The following CCDC39 variants were observed in gnomAD, a reference collection of about 807,000 sequenced individuals.
CCDC39 encodes coiled-coil domain 39 molecular ruler complex subunit, also known as coiled-coil domain-containing protein 39.
CCDC39 carries 113 observed loss-of-function variants against 121.0 expected under a neutral mutation model. That is an observed-to-expected ratio of 0.93 (90% confidence interval 0.80 to 1.09). The LOEUF (loss-of-function observed/expected upper bound fraction) is 1.09. Among genes scored for constraint, CCDC39 ranks in the 50% least tolerant of loss-of-function variants. The pLI is 0.00. For missense variants in CCDC39, 1,063 were observed against 1,074.7 expected, an observed-to-expected ratio of 0.99 and a Z score of 0.15; for synonymous variants, 349 against 352.2, an observed-to-expected ratio of 0.99 and a Z score of 0.10.
rs772481057 is a variant in CCDC39, at chr3:180,619,323, CT to C, written c.2200del (p.Arg734GlufsTer28). On this transcript the variant is annotated frameshift_variant, in exon 16 of 20. Coordinates refer to ENST00000476379, the MANE Select transcript of CCDC39 (RefSeq NM_181426.2). LOFTEE classifies it high-confidence loss of function. The stretch of plus-strand genomic sequence containing the variant: ...GTATCTGTATTTTTCATCAACAGCT[CT>C]TTTTTGTTCTTCTAGTTGAATTTTT... Reference protein sequence around the residue: ...ELKIQLEEQKRAVDEKYRYKQ... With the variant: ...ELKIQLEEQKXAVDEKYRYKQ... 6.5e-7 allele frequency: 1 copy of C among 1,544,342 alleles called. No individual in the cohort carries two copies. The highest frequency in any genetic ancestry group is 8.8e-7 in the Non-Finnish European group (1 of 1,141,392).
intron 14 of CCDC39, among the ~76,000 whole-genome samples, chr3:180,624,113 C>T (rs558197435): frequency 1.3e-5 from 2 of 152,190 alleles, no homozygotes; most frequent in East Asian, 3.9e-4. Flanking sequence ...CAGTGTTGTG[C>T]ATATATAATT....
chr3:180,667,521 G>C (rs1423336934), intron 1 of CCDC39, among the ~76,000 whole-genome samples: 1 of 152,042 alleles, frequency 6.6e-6, no homozygotes, highest in Non-Finnish European at 1.5e-5. Context: ...GGTTATCAGT[G>C]ATCAGTGAGC....
chr3:180,618,267 T>G (rs1009480555), intron 16 of CCDC39, among the ~76,000 whole-genome samples: 1 of 152,186 alleles, frequency 6.6e-6, no homozygotes, highest in Non-Finnish European at 1.5e-5. Flanking sequence ...AAATTTTTTA[T>G]GTAATTCAAC....
chr3:180,674,706 T>C (rs1469372346), intron 1 of CCDC39, among the ~76,000 whole-genome samples: 2 of 152,326 alleles, frequency 1.3e-5, no homozygotes, highest in African/African-American at 4.8e-5. Context: ...TGAATTTTGT[T>C]GAAGGCCTTT....
chr3:180,619,937 C>CTG lies in CCDC39; in HGVS notation c.2031_2032insCA (p.Gly678GlnfsTer19). 6.2e-7 allele frequency: 1 copy of CTG among 1,608,574 alleles called. No individual in the cohort carries two copies. The highest frequency in any genetic ancestry group is 2.2e-5 in the East Asian group (1 of 44,744). Reference sequence around the variant, plus strand: ...TTGATCTTGGCATCCAAACAGTCACCTTCCCTTTGAAGTTCTTCTTTTTCT... The same window carrying CTG: ...TTGATCTTGGCATCCAAACAGTCACCTGTTCCCTTTGAAGTTCTTCTTTTTCT... On this transcript the variant is annotated frameshift_variant, in exon 15 of 20. Transcript: ENST00000476379. LOFTEE classifies it high-confidence loss of function.
In CCDC39 at chr3:180,616,286, T is replaced by C. The variant is rs1307619593; in HGVS notation, c.2664A>G (p.Ser888=). 2 of 1,613,094 alleles carry C rather than the reference T, an allele frequency of 1.2e-6. No homozygotes were observed. Among genetic ancestry groups the C allele is most frequent in the African/African-American group, 2.7e-5 (2 of 74,882 alleles). The change falls in exon 19 of 20, where the codon TCA becomes TCG. Residue 888 remains serine (S), a synonymous_variant. Coordinates refer to ENST00000476379, the MANE Select transcript of CCDC39 (RefSeq NM_181426.2). ...TTTTTTAACCCTCCGCTTACCTTGC[T>C]GATAGTGAAGTATGTGAAGGAGATC... ...SSRSPSHTSL[S]ARSSRSTSTS... is the part of the protein sequence containing the mutation.
At chr3:180,661,400 G>A (rs1359060581) in intron 3 of CCDC39, among the ~76,000 whole-genome samples, 3 of 151,882 alleles carry the variant, frequency 2.0e-5, no homozygotes, top group Admixed American at 2.0e-4. Flanking sequence ...ATCAGAATTT[G>A]GAAAGAGCTC....
At chr3:180,624,680 T>C (rs1044637153) in intron 14 of CCDC39, among the ~76,000 whole-genome samples, 5 of 152,210 alleles carry the variant, frequency 3.3e-5, no homozygotes, top group South Asian at 2.1e-4. Context: ...AGGACCAGTC[T>C]AGTGGTGAAG....
In CCDC39 at chr3:180,679,151, G is replaced by A. The variant is rs1712319940; in HGVS notation, c.90+140C>T. The A allele has an allele frequency of 5.5e-6, 4 of 722,766 alleles. No homozygotes were observed. Among genetic ancestry groups the A allele is most frequent in the Admixed American group, 4.1e-5 (2 of 48,512 alleles). The allele number at this position is 722,766 out of a possible 1,614,324, so 44.8% of individuals were successfully genotyped here. A position where few individuals can be genotyped will look rare whatever the true frequency, so the allele number is the denominator to read the frequency against. On this transcript the variant is annotated intron_variant, in intron 1 of 19. Transcript: ENST00000476379. This position sits in a 1 kb window ranked among gnomAD's most constrained non-coding sequence, Gnocchi z 4.0. ...ATAGGCAGAGAGGGTAAGGGAGGAGGGCGATGGTGCGGGGGAGTGTTAGAG... is the reference window on the plus strand; with the variant it reads ...ATAGGCAGAGAGGGTAAGGGAGGAGAGCGATGGTGCGGGGGAGTGTTAGAG...
Position 180,644,224 on chromosome 3 carries a change from T to C in CCDC39, c.1561A>G (p.Lys521Glu). The C allele has an allele frequency of 6.5e-7, 1 of 1,537,314 alleles. No homozygotes were observed. The highest frequency in any genetic ancestry group is 2.0e-5 in the Admixed American group (1 of 49,566). Residue 521 changes from lysine (K) to glutamate (E), a missense_variant, in exon 12 of 20, where the codon AAA becomes GAA. Lys to Glu is a moderately conservative substitution (Grantham distance 56). Transcript: ENST00000476379. ...AGGGACTGTTTTTCATCACTGTTTT[T>C]ACTATGTGCCTTCTTGATAAAATAA... is the stretch of plus-strand genomic sequence containing the variant. Reference protein sequence around the residue: ...DLYFIKKAHSKNSDEKQSLMT... With the variant: ...DLYFIKKAHSENSDEKQSLMT...
chr3:180,615,504 T>C (rs1717196924), intron 19 of CCDC39, among the ~76,000 whole-genome samples: 1 of 152,112 alleles, frequency 6.6e-6, no homozygotes. Context: ...GGTGGGGTCA[T>C]TTGAAAAACA....
Position 180,660,648 on chromosome 3 carries a change from C to T in CCDC39, c.438G>A (p.Trp146Ter). The T allele has an allele frequency of 6.2e-7, 1 of 1,603,188 alleles. No homozygotes were observed. The highest frequency in any genetic ancestry group is 1.1e-5 in the South Asian group (1 of 89,066). Residue 146 changes from tryptophan (W) to a stop codon, truncating the protein, a stop_gained, in exon 4 of 20, where the codon TGG becomes TGA. Transcript: ENST00000476379. LOFTEE classifies it high-confidence loss of function. Reference sequence around the variant, plus strand: ...TATCTTTATGAGCTGATTCTTCTAACCAGGCCTCCAATGCTTGCTGGTCCC... The same window carrying T: ...TATCTTTATGAGCTGATTCTTCTAATCAGGCCTCCAATGCTTGCTGGTCCC... ...MNWDQQALEAWLEESAHKDSD... is the reference protein window; with the variant it reads ...MNWDQQALEA
intron 11 of CCDC39, among the ~76,000 whole-genome samples, chr3:180,646,064 A>G (rs1718060551): frequency 6.6e-6 from 1 of 152,134 alleles, no homozygotes; most frequent in Non-Finnish European, 1.5e-5. Flanking sequence ...GTTCTCCCAA[A>G]TGTCCTAAAA....
At chr3:180,655,312 C>CCAA (rs1224022098) in intron 6 of CCDC39, among the ~76,000 whole-genome samples, 3 of 151,866 alleles carry the variant, frequency 2.0e-5, no homozygotes, top group Admixed American at 6.6e-5. Flanking sequence ...AAATATTTTA[C>CCAA]AGACCGGTTT....
chr3:180,627,017 G>A (rs1404494748), intron 14 of CCDC39, among the ~76,000 whole-genome samples: 1 of 152,134 alleles, frequency 6.6e-6, no homozygotes, highest in Non-Finnish European at 1.5e-5. Flanking sequence ...TTTCCCAGCA[G>A]TGAAAATGCT....
chr3:180,635,880 A>C (rs942601268), intron 13 of CCDC39, among the ~76,000 whole-genome samples: 4 of 152,242 alleles, frequency 2.6e-5, no homozygotes, highest in African/African-American at 9.6e-5. Flanking sequence ...TAGATCTATA[A>C]AAGGCTTTTG....
In CCDC39 at chr3:180,654,966, CA is replaced by C; in HGVS notation, c.739-14del. 6.9e-7 allele frequency: 1 copy of C among 1,459,572 alleles called. No homozygotes were observed. Among genetic ancestry groups the C allele is most frequent in the Non-Finnish European group, 9.1e-7 (1 of 1,095,264 alleles). 90.4% of individuals were successfully genotyped at this position (1,459,572 alleles called of 1,614,324 possible). ...TCCTTGCTAATTCCTAGGATTAAAA[CA>C]AATATGTTTACTTAAATATATGTTT... On this transcript the variant is annotated splice_polypyrimidine_tract_variant and intron_variant, in intron 6 of 19. Transcript: ENST00000476379.
At chr3:180,632,075 T>G (rs1184975344) in intron 13 of CCDC39, among the ~76,000 whole-genome samples, 3 of 152,170 alleles carry the variant, frequency 2.0e-5, no homozygotes, top group Non-Finnish European at 4.4e-5. Flanking sequence ...GCATCACAGC[T>G]GAGGAATCTC....
chr3:180,654,992 TAAACTGAGAAAACTAAAAGG>T (rs1711549726), intron 6 of CCDC39, 39 bp from the exon 7 acceptor site: 1 of 1,286,932 alleles, frequency 7.8e-7, no homozygotes, highest in East Asian at 2.8e-5. Flanking sequence ...AATATATGTT[TAAACTGAGAAAACTAAAAGG>T]AATTTAGTTT....
Sources: allele counts gnomAD v4.1 joint callset (sites outside exome capture counted in the v4.1 genomes callset), GRCh38; gene constraint gnomAD v4.1.1; non-coding constraint Gnocchi (gnomAD v3.1); transcripts MANE v1.5; gene names NCBI Gene and HGNC (gene_info 2026-07-23, HGNC 2026-07-21).